ENG: variants seen among roughly 807,000 people sequenced by gnomAD.
ENG encodes CD105 antigen.
In ENG, 17 loss-of-function variants were observed where a neutral mutation model predicts 71.0. The ratio of observed to expected loss-of-function variants is 0.24; its 90% CI spans 0.16 to 0.36. The LOEUF is 0.36. ENG is among the 10% of genes least tolerant of loss of function. ENG has a pLI of 1.00. For synonymous variants in ENG, 360 were observed against 366.9 expected (o/e 0.98, Z 0.21); for missense variants, 749 against 868.3 (o/e 0.86, Z 1.73).
intron 2 of ENG, among the ~76,000 whole-genome samples, chr9:127,833,436 G>A (rs1057038617): frequency 2.7e-5 from 4 of 148,958 alleles, no homozygotes; most frequent in African/African-American, 7.5e-5. Context: ...CAGGAGAATC[G>A]CTTGAACCCC....
chr9:127,831,026 A>C (rs1245471162), intron 2 of ENG, among the ~76,000 whole-genome samples: 3 of 152,196 alleles, frequency 2.0e-5, no homozygotes, highest in African/African-American at 7.2e-5. Flanking sequence ...TGATGTATAC[A>C]TTTAGAATGT....
At chr9:127,854,170 C>T (rs576158554) in intron 1 of ENG, 119 bp downstream of exon 1, 48 of 1,046,806 alleles carry the variant, frequency 4.6e-5, no homozygotes, top group Admixed American at 2.7e-4. Context: ...CCCTCCAGAG[C>T]CCCAAGGATG....
rs1296728764 is a variant in ENG at position 127,817,976 on chromosome 9, C to T, written c.1686+144G>A. ...GGGTGGCAGAAAGTGCTGCTGGCAG[C>T]CAGACTGCCAGGCCACATGCCTGAT... On this transcript the variant is annotated intron_variant, in intron 12 of 14. Transcript: ENST00000373203. 3.7e-6 allele frequency: 5 copies of T among 1,362,986 alleles called. No individual in the cohort carries two copies. The East Asian group carries it at 1.2e-4, about 32-fold the overall frequency. The allele number at this position is 1,362,986 out of a possible 1,614,324, so 84.4% of individuals were successfully genotyped here.
At chr9:127,825,148 G>A (rs1291491743) in intron 6 of ENG, 83 bp downstream of exon 6, 7 of 1,610,964 alleles carry the variant, frequency 4.3e-6, no homozygotes, top group East Asian at 2.2e-5. Flanking sequence ...AGCTCAGCTC[G>A]GGGGTTCACC....
At chr9:127,824,773 A>AGGGAGGGGGAGGGGAAGGGAAGGGAGG (rs148063362) in intron 7 of ENG, 27 bp downstream of exon 7, 4 of 1,505,478 alleles carry the variant, frequency 2.7e-6, no homozygotes, top group African/African-American at 1.4e-5. Flanking sequence ...GGGGAAGGGA[A>AGGGAGGGGGAGGGGAAGGGAAGGGAGG]GGGAGGGGCA....
chr9:127,845,275 C>G (rs1047542783), intron 1 of ENG, among the ~76,000 whole-genome samples: 2 of 152,214 alleles, frequency 1.3e-5, no homozygotes, highest in Non-Finnish European at 2.9e-5. Flanking sequence ...CACCGGCCTC[C>G]TTCCTCACCT....
rs538376223 is a variant in ENG, at chr9:127,836,568, T to C, written c.219+6526A>G. ...TGTCCACCCCAGAAAACTCAGATGG[T>C]CCTACAGGCAGGGTGGCAGGGGAAA... On this transcript the variant is annotated intron_variant, in intron 2 of 14. Coordinates refer to ENST00000373203, the MANE Select transcript of ENG (RefSeq NM_001114753.3). This position sits in a 1 kb window ranked among gnomAD's most constrained non-coding sequence, Gnocchi z 4.0. 2.2e-4 allele frequency among the ~76,000 whole-genome samples: 34 copies of C among 152,272 alleles called. 1 individual carries two copies. Among genetic ancestry groups the C allele is most frequent in the African/African-American group, 8.2e-4 (34 of 41,562 alleles).
chr9:127,832,213 T>A (rs1830784137), intron 2 of ENG, among the ~76,000 whole-genome samples: 1 of 151,648 alleles, frequency 6.6e-6, no homozygotes, highest in Non-Finnish European at 1.5e-5. Flanking sequence ...TAGCTGGGAC[T>A]ACAGGCGATT....
At chr9:127,823,452 G>T (rs1273178864) in intron 8 of ENG, among the ~76,000 whole-genome samples, 1 of 148,758 alleles carries the variant, frequency 6.7e-6, no homozygotes, top group African/African-American at 2.5e-5. Context: ...ACAGTGGTGC[G>T]ATCTCAGCTC....
chr9:127,816,020 ACGG>A lies in ENG; in HGVS notation c.1772_1774del (p.Ala591del). ...GAAGGCACCAAAGGTGATGCCCAGC[ACGG>A]CGGGCAGGACGAGGCCTTTGCTTGT... On this transcript the variant is annotated inframe_deletion, in exon 14 of 15. Coordinates refer to ENST00000373203, the MANE Select transcript of ENG (RefSeq NM_001114753.3). 6.2e-7 allele frequency: 1 copy of A among 1,611,018 alleles called. No individual in the cohort carries two copies. The highest frequency in any genetic ancestry group is 8.5e-7 in the Non-Finnish European group (1 of 1,179,216).
At chr9:127,827,927 G>A (rs1830662915) in intron 3 of ENG, among the ~76,000 whole-genome samples, 1 of 148,352 alleles carries the variant, frequency 6.7e-6, no homozygotes, top group Non-Finnish European at 1.5e-5. Flanking sequence ...GCTGAGGCAG[G>A]AGAATTACTT....
At position 127,836,915 on chromosome 9, in the gene ENG, G is replaced by C. The variant is rs954020019; in HGVS notation, c.219+6179C>G. Among the ~76,000 whole-genome samples the C allele has an allele frequency of 3.3e-5, 5 of 152,172 alleles. No homozygotes were observed. The highest frequency in any genetic ancestry group is 1.2e-4 in the African/African-American group (5 of 41,434). ...TAATTCTGCTGGTTCAGCCTCCTGA[G>C]TAGCTGGGACTACAGGCACCCACCA... On this transcript the variant is annotated intron_variant, in intron 2 of 14. Transcript: ENST00000373203. This position sits in a 1 kb window ranked among gnomAD's most constrained non-coding sequence, Gnocchi z 4.0.
chr9:127,848,368 C>T (rs140910817), intron 1 of ENG, among the ~76,000 whole-genome samples: 176 of 152,014 alleles, frequency 1.2e-3, no homozygotes, highest in African/African-American at 4.1e-3. Flanking sequence ...TAGCTCACTG[C>T]AACCTCCACC....
At chr9:127,823,908 T>A (rs2131885184) in intron 8 of ENG, among the ~76,000 whole-genome samples, 1 of 151,898 alleles carries the variant, frequency 6.6e-6, no homozygotes, top group East Asian at 1.9e-4. Flanking sequence ...CTCAAACTCC[T>A]GACCTCAAGT....
intron 10 of ENG, 51 bp from the exon 11 acceptor site, chr9:127,818,883 AG>A (rs761832486): frequency 2.6e-6 from 4 of 1,528,538 alleles, no homozygotes; most frequent in Non-Finnish European, 2.7e-6. Context: ...GCCAGCCAGG[AG>A]GGCGAGGGGT....
At chr9:127,840,822 C>T (rs141493851) in intron 2 of ENG, among the ~76,000 whole-genome samples, 177 of 152,322 alleles carry the variant, frequency 1.2e-3, no homozygotes, top group African/African-American at 2.1e-3. Context: ...CTCCCTGGAG[C>T]GAGTTCTCTA....
At chr9:127,842,670 G>A (rs139869750) in intron 2 of ENG, among the ~76,000 whole-genome samples, 112 of 152,192 alleles carry the variant, frequency 7.4e-4, no homozygotes, top group African/African-American at 2.1e-3. Context: ...TGATCTACCC[G>A]CCTCGGCCTC....
chr9:127,840,233 C>A (rs1280141684), intron 2 of ENG, among the ~76,000 whole-genome samples: 1 of 152,226 alleles, frequency 6.6e-6, no homozygotes, highest in East Asian at 1.9e-4. Flanking sequence ...GTGTTCTCAA[C>A]CCCTGCATCA....
rs957437093 is a variant in ENG, at chr9:127,815,639, G to A, written c.*43C>T. 23 of 1,539,316 alleles carry A rather than the reference G, an allele frequency of 1.5e-5. No individual in the cohort carries two copies. Among genetic ancestry groups the A allele is most frequent in the African/African-American group, 1.4e-4 (10 of 73,282 alleles). ...GTTCACACCAGTGCTCCCAGCTGGC[G>A]GCTGCTCAGTCTCTCCTGCTGGGCG... On this transcript the variant is annotated 3_prime_UTR_variant, in exon 15 of 15. Coordinates refer to ENST00000373203, the MANE Select transcript of ENG (RefSeq NM_001114753.3).
Sources: allele counts gnomAD v4.1 joint callset (sites outside exome capture counted in the v4.1 genomes callset), GRCh38; gene constraint gnomAD v4.1.1; non-coding constraint Gnocchi (gnomAD v3.1); transcripts MANE v1.5; gene names NCBI Gene and HGNC (gene_info 2026-07-23, HGNC 2026-07-21).